The following MALRD1 variants were observed in gnomAD, a reference collection of about 807,000 sequenced individuals.
The protein encoded by MALRD1 is MAM and LDL-receptor class A domain-containing protein 1.
Under a neutral mutation model 242.1 loss-of-function variants are expected in MALRD1, and 247 were observed. The observed-to-expected ratio is 1.02, with a 90% CI of 0.92 to 1.13. The LOEUF (loss-of-function observed/expected upper bound fraction) is 1.13, where lower values mean the gene tolerates loss of function less well. Among genes scored for constraint, MALRD1 ranks in the 50% most tolerant of loss-of-function variants. The pLI is 0.00. For synonymous variants in MALRD1, 995 were observed against 866.6 expected, an observed-to-expected ratio of 1.15 and a Z score of -2.60; for missense variants, 2,989 against 2,533.1, an observed-to-expected ratio of 1.18 and a Z score of -3.86.
intron 34 of MALRD1, 137 bp from the exon 35 acceptor site, chr10:19,607,640 C>A: frequency 8.5e-7 from 1 of 1,179,460 alleles, no homozygotes; most frequent in Non-Finnish European, 1.1e-6. Context: ...TCAAAAAGAA[C>A]TGTGTTCTAA....
At chr10:19,138,181 C>T (rs984095458) in intron 10 of MALRD1, among the ~76,000 whole-genome samples, 1 of 152,078 alleles carries the variant, frequency 6.6e-6, no homozygotes, top group African/African-American at 2.4e-5. Context: ...ACCAAGTAAT[C>T]GGCTAACCAG....
intron 36 of MALRD1, among the ~76,000 whole-genome samples, chr10:19,629,570 TA>T (rs1359906063): frequency 6.6e-6 from 1 of 152,178 alleles, no homozygotes; most frequent in Admixed American, 6.5e-5. Flanking sequence ...GTTTTCCTAG[TA>T]TGTGCACGGC....
chr10:19,193,299 T>C (rs1836075171), intron 14 of MALRD1, among the ~76,000 whole-genome samples: 1 of 152,184 alleles, frequency 6.6e-6, no homozygotes, highest in Non-Finnish European at 1.5e-5. Context: ...CTCACACCTG[T>C]AATCTCAGCA....
chr10:19,602,215 C>CT (rs1426716462), intron 34 of MALRD1, among the ~76,000 whole-genome samples: 11 of 61,510 alleles, frequency 1.8e-4, no homozygotes, highest in South Asian at 1.4e-3. Flanking sequence ...TTTTTTTATA[C>CT]TTTAAGTTCT....
At chr10:19,334,825 G>A (rs1028580795) in intron 24 of MALRD1, among the ~76,000 whole-genome samples, 1 of 152,010 alleles carries the variant, frequency 6.6e-6, no homozygotes, top group African/African-American at 2.4e-5. Context: ...AAGGTTAACA[G>A]TTAAATAGAG....
intron 24 of MALRD1, among the ~76,000 whole-genome samples, chr10:19,332,876 TTTTA>T (rs1279645597): frequency 3.5e-4 from 53 of 152,296 alleles, no homozygotes; most frequent in Admixed American, 1.1e-3. Context: ...AACACAAGTA[TTTTA>T]TTTATTATTA....
chr10:19,672,774 G>A (rs575652499), intron 36 of MALRD1, among the ~76,000 whole-genome samples: 5 of 151,944 alleles, frequency 3.3e-5, no homozygotes, highest in Admixed American at 3.3e-4. Context: ...TTTTAAAAGA[G>A]TACATATAAC....
At chr10:19,335,064 A>C (rs931129647) in intron 24 of MALRD1, among the ~76,000 whole-genome samples, 1 of 152,130 alleles carries the variant, frequency 6.6e-6, no homozygotes, top group Non-Finnish European at 1.5e-5. Context: ...TATTAAAAAC[A>C]TACTGTCTTG....
intron 18 of MALRD1, among the ~76,000 whole-genome samples, chr10:19,239,518 A>G (rs541645381): frequency 2.4e-4 from 36 of 152,118 alleles, no homozygotes; most frequent in African/African-American, 7.7e-4. Context: ...CCATTTATCT[A>G]TTTTTGCTTT....
At chr10:19,486,104 T>C (rs1397928432) in intron 29 of MALRD1, among the ~76,000 whole-genome samples, 2 of 151,690 alleles carry the variant, frequency 1.3e-5, no homozygotes, top group Non-Finnish European at 2.9e-5. Context: ...GAAGGAGAGA[T>C]TGTTTTTTTC....
At chr10:19,298,346 T>G (rs556935998) in intron 21 of MALRD1, among the ~76,000 whole-genome samples, 4 of 151,744 alleles carry the variant, frequency 2.6e-5, no homozygotes, top group Admixed American at 2.6e-4. Flanking sequence ...TATCTCCTGC[T>G]TCACCTCCCA....
chr10:19,507,443 T>C (rs1188768074), intron 31 of MALRD1, among the ~76,000 whole-genome samples: 1 of 152,042 alleles, frequency 6.6e-6, no homozygotes, highest in Non-Finnish European at 1.5e-5. Flanking sequence ...TGAAATCTAG[T>C]GTGGAATTAG....
chr10:19,589,252 A>G lies in MALRD1; in HGVS notation c.5681-5942A>G, dbSNP rs368804900. ...TAGCTCAATACCAACATTGGTATTT[A>G]TGTATACCAGTATTAGTGTGTATAA... On this transcript the variant is annotated intron_variant, in intron 33 of 39. Coordinates refer to ENST00000454679, the MANE Select transcript of MALRD1 (RefSeq NM_001142308.3). 1.5e-4 allele frequency among the ~76,000 whole-genome samples: 23 copies of G among 151,892 alleles called. No individual in the cohort carries two copies. The East Asian group carries it at 3.5e-3, about 23-fold the overall frequency.
At chr10:19,729,594 T>A (rs1461524682) in intron 38 of MALRD1, among the ~76,000 whole-genome samples, 1 of 143,502 alleles carries the variant, frequency 7.0e-6, no homozygotes, top group African/African-American at 2.8e-5. Flanking sequence ...GATCCTTTCG[T>A]GTGTGTGTGT....
chr10:19,071,423 T>C (rs1835144520), intron 2 of MALRD1, among the ~76,000 whole-genome samples: 1 of 152,010 alleles, frequency 6.6e-6, no homozygotes, highest in Admixed American at 6.6e-5. Flanking sequence ...TCTCAGAGTT[T>C]TTGCCTTGCA....
chr10:19,548,400 A>G (rs1364833874), intron 32 of MALRD1, among the ~76,000 whole-genome samples: 2 of 152,008 alleles, frequency 1.3e-5, no homozygotes, highest in Non-Finnish European at 2.9e-5. Context: ...AAGTGGACAT[A>G]ATATTTTTGC....
At chr10:19,322,626 G>A (rs1564561517) in intron 21 of MALRD1, among the ~76,000 whole-genome samples, 1 of 152,092 alleles carries the variant, frequency 6.6e-6, no homozygotes, top group Non-Finnish European at 1.5e-5. Flanking sequence ...GAGGCCTGAG[G>A]CCAAACCCTG....
Position 19,713,081 on chromosome 10 carries a change from C to T in MALRD1, c.6315-17625C>T, listed in dbSNP as rs569435622. 3.9e-5 allele frequency among the ~76,000 whole-genome samples: 6 copies of T among 152,120 alleles called. No individual in the cohort carries two copies. The East Asian group carries it at 9.7e-4, about 25-fold the overall frequency. On this transcript the variant is annotated intron_variant, in intron 38 of 39. Transcript: ENST00000454679. ...CTCTTTCAGCTTTGGAGGAGACCCC[C>T]TCCCTCTGTCTCTGTACAGGGGAGC...
intron 36 of MALRD1, among the ~76,000 whole-genome samples, chr10:19,658,038 C>T (rs1201408406): frequency 6.6e-6 from 1 of 152,004 alleles, no homozygotes; most frequent in East Asian, 1.9e-4. Context: ...ATCCCAGCTA[C>T]TCAGGAGGTT....
Sources: allele counts gnomAD v4.1 joint callset (sites outside exome capture counted in the v4.1 genomes callset), GRCh38; gene constraint gnomAD v4.1.1; transcripts MANE v1.5; gene names NCBI Gene and HGNC (gene_info 2026-07-23, HGNC 2026-07-21).